BAZ1A: variants seen among roughly 807,000 people sequenced by gnomAD.
BAZ1A encodes the protein bromodomain adjacent to zinc finger domain 1A.
In BAZ1A, 50 loss-of-function variants were observed where a neutral mutation model predicts 185.2. The ratio of observed to expected loss-of-function variants is 0.27; its 90% CI spans 0.22 to 0.34. The LOEUF (loss-of-function observed/expected upper bound fraction) is 0.34. BAZ1A is among the 10% of genes least tolerant of loss of function. The pLI, the probability that BAZ1A is intolerant of heterozygous loss-of-function variation, is 1.00. For missense variants in BAZ1A, 1,356 were observed against 1,839.9 expected, an observed-to-expected ratio of 0.74 and a Z score of 4.81; for synonymous variants, 571 against 615.6, an observed-to-expected ratio of 0.93 and a Z score of 1.07.
In BAZ1A at chr14:34,773,469, A is replaced by G. The variant is rs983108206; in HGVS notation, c.3152+103T>C. On this transcript the variant is annotated intron_variant, in intron 20 of 26. Transcript: ENST00000360310. ...ATCAAGGTCCTCACGACAAGTTTTT[A>G]AAATAAGAAAAAGCAACATATTTAC... is the stretch of plus-strand genomic sequence containing the variant. The G allele has an allele frequency of 5.4e-5, 57 of 1,054,996 alleles. 1 individual carries two copies. Among genetic ancestry groups the G allele is most frequent in the Non-Finnish European group, 7.0e-5 (53 of 754,472 alleles). 65.4% of individuals were successfully genotyped at this position (1,054,996 alleles called of 1,614,324 possible). A position where few individuals can be genotyped will look rare whatever the true frequency, so the allele number is the denominator to read the frequency against.
At chr14:34,857,602 C>G (rs75209136) in intron 3 of BAZ1A, among the ~76,000 whole-genome samples, 2 of 152,232 alleles carry the variant, frequency 1.3e-5, no homozygotes, top group African/African-American at 4.8e-5. Context: ...AGTTCTCCAC[C>G]CAAAATATCC....
At chr14:34,786,607 T>TTTG (rs1290599337) in intron 12 of BAZ1A, 2 of 140,438 alleles carry the variant, frequency 1.4e-5, no homozygotes, top group South Asian at 4.5e-4. Flanking sequence ...TTATGTGTGT[T>TTTG]TTTTTTTTTT....
chr14:34,864,541 T>G (rs2042823191), intron 2 of BAZ1A, among the ~76,000 whole-genome samples: 1 of 151,874 alleles, frequency 6.6e-6, no homozygotes. Context: ...AGTGCAGTGG[T>G]GCGATCTCAG....
intron 4 of BAZ1A, among the ~76,000 whole-genome samples, chr14:34,819,140 CAAAAAAAAAAAAAA>C (rs71121223): frequency 1.4e-5 from 1 of 72,752 alleles, no homozygotes; most frequent in Non-Finnish European, 2.4e-5. Flanking sequence ...GACTCTGTCT[CAAAAAAAAAAAAAA>C]AAAAAAAAAA....
intron 24 of BAZ1A, among the ~76,000 whole-genome samples, chr14:34,759,708 T>C (rs1444603162): frequency 1.3e-5 from 2 of 152,128 alleles, no homozygotes; most frequent in Non-Finnish European, 2.9e-5. Flanking sequence ...AGAGTCTTGC[T>C]TTGTCACCTA....
intron 25 of BAZ1A, among the ~76,000 whole-genome samples, chr14:34,756,527 G>A (rs547455651): frequency 4.6e-4 from 63 of 137,490 alleles, no homozygotes; most frequent in African/African-American, 1.3e-3. Context: ...GTGCAATGGC[G>A]TGATCTCGAC....
At chr14:34,819,305 T>C (rs2042052343) in intron 4 of BAZ1A, among the ~76,000 whole-genome samples, 1 of 152,164 alleles carries the variant, frequency 6.6e-6, no homozygotes. Flanking sequence ...GGAGCACTAC[T>C]GTATTGTACA....
At position 34,776,410 on chromosome 14, in the gene BAZ1A, T is replaced by C; in HGVS notation, c.2342A>G (p.Glu781Gly). ...GAGCTCTTTCTCTTTTCGTTGGTGTTCCTGTTTTAATGCTTCTTCCTCATC... is the reference window on the plus strand; with the variant it reads ...GAGCTCTTTCTCTTTTCGTTGGTGTCCCTGTTTTAATGCTTCTTCCTCATC... ...TADEEEALKQ[E>G]HQRKEKELLE... Residue 781 changes from glutamate (E) to glycine (G), a missense_variant, in exon 18 of 27, where the codon GAA becomes GGA. Around this residue, in one of 7 missense-constraint regions of BAZ1A, gnomAD observed 434 missense variants for 561.7 expected, o/e 0.77. Transcript: ENST00000360310. 1 of 1,614,070 alleles carries C rather than the reference T, an allele frequency of 6.2e-7. No homozygotes were observed.
chr14:34,814,781 C>CTT (rs911007365), intron 4 of BAZ1A, among the ~76,000 whole-genome samples: 1 of 138,622 alleles, frequency 7.2e-6, no homozygotes, highest in Non-Finnish European at 1.6e-5. Flanking sequence ...CAGACCTTAT[C>CTT]TTTTTTTTTT....
chr14:34,860,518 T>TA (rs397852116), intron 3 of BAZ1A, among the ~76,000 whole-genome samples: 19,954 of 70,458 alleles, frequency 0.28, 2,491 homozygotes, highest in Non-Finnish European at 0.36. Context: ...TACCAAAAGT[T>TA]AAAAAAAAAA....
At chr14:34,794,955 C>T in intron 10 of BAZ1A, 68 bp from the exon 11 acceptor site, 1 of 1,568,732 alleles carries the variant, frequency 6.4e-7, no homozygotes, top group South Asian at 1.2e-5. Context: ...GCAGAGATGA[C>T]ATACTTTTTA....
chr14:34,778,984 A>G (rs979861228), intron 17 of BAZ1A, among the ~76,000 whole-genome samples: 1 of 152,126 alleles, frequency 6.6e-6, no homozygotes, highest in African/African-American at 2.4e-5. Flanking sequence ...CCTACTGAGT[A>G]GCTGGGACTA....
Position 34,803,003 on chromosome 14 carries a change from G to T in BAZ1A, c.727-15C>A. 6.3e-7 allele frequency: 1 copy of T among 1,599,038 alleles called. No individual in the cohort carries two copies. The highest frequency in any genetic ancestry group is 8.6e-7 in the Non-Finnish European group (1 of 1,167,140). On this transcript the variant is annotated splice_polypyrimidine_tract_variant and intron_variant, in intron 6 of 26. Transcript: ENST00000360310. ...AGAGATGATGCCTTAATAAAACAAA[G>T]ACATAGGGTACAATAATAACACATT...
At chr14:34,755,214 A>G (rs1886188746) in intron 25 of BAZ1A, among the ~76,000 whole-genome samples, 1 of 152,206 alleles carries the variant, frequency 6.6e-6, no homozygotes, top group South Asian at 2.1e-4. Flanking sequence ...AATGTATGTA[A>G]CAAAGTGTAC....
chr14:34,786,569 G>A (rs2138617373), intron 12 of BAZ1A: 1 of 162,458 alleles, frequency 6.2e-6, no homozygotes, highest in East Asian at 1.8e-4. Context: ...CTTGAAAATT[G>A]GAATCTATTT....
At chr14:34,871,744 G>C (rs542973602) in intron 2 of BAZ1A, among the ~76,000 whole-genome samples, 5 of 152,202 alleles carry the variant, frequency 3.3e-5, no homozygotes, top group Non-Finnish European at 7.3e-5. Flanking sequence ...GTGGTGGCAG[G>C]CTCCTGTAAT....
chr14:34,875,269 T>C lies in BAZ1A; in HGVS notation c.-190A>G, dbSNP rs1405049463. 2.2e-6 allele frequency: 1 copy of C among 455,122 alleles called. No individual in the cohort carries two copies. The highest frequency in any genetic ancestry group is 4.4e-6 in the Non-Finnish European group (1 of 226,484). 28.2% of individuals were successfully genotyped at this position (455,122 alleles called of 1,614,324 possible). On this transcript the variant is annotated 5_prime_UTR_variant, in exon 1 of 27. Transcript: ENST00000360310. ...TGGCTGCCGCTTCTCCCGCTGCCAC[T>C]GCCCGACTCCGCGCGGGGAATTGCG...
chr14:34,817,253 T>G (rs2042020182), intron 4 of BAZ1A, among the ~76,000 whole-genome samples: 1 of 151,584 alleles, frequency 6.6e-6, no homozygotes, highest in Non-Finnish European at 1.5e-5. Context: ...TATATCAAGA[T>G]ATTTTTAAAA....
At chr14:34,768,909 C>A in intron 21 of BAZ1A, 1 of 211,918 alleles carries the variant, frequency 4.7e-6, no homozygotes, top group Non-Finnish European at 9.5e-6. Context: ...TTACCTAAAA[C>A]AAAACATGAT....
Sources: gnomAD v4.1 joint callset for allele counts (sites outside exome capture counted in the v4.1 genomes callset) on GRCh38, gnomAD v4.1.1 for gene constraint, gnomAD v4.1.1 regional missense constraint, MANE v1.5 for transcripts, NCBI Gene and HGNC (gene_info 2026-07-23, HGNC 2026-07-21) for gene names.